The following CD8B2 variants were observed in gnomAD, a reference collection of about 807,000 sequenced individuals.
CD8B2 encodes CD8B family member 2.
Under a neutral mutation model 23.7 loss-of-function variants are expected in CD8B2, and 11 were observed. The ratio of observed to expected loss-of-function variants is 0.46; its 90% CI spans 0.29 to 0.77. The LOEUF (loss-of-function observed/expected upper bound fraction) is 0.77, where lower values mean the gene tolerates loss of function less well. CD8B2 is among the 30% of genes least tolerant of loss of function. The probability of loss-of-function intolerance (pLI) is 0.09; values close to 1 mark genes in which losing one functional copy is unlikely to be tolerated. For synonymous variants in CD8B2, 90 were observed against 109.3 expected (o/e 0.82, Z 1.10); for missense variants, 197 against 270.5 (o/e 0.73, Z 1.91).
chr2:106,522,479 A>G (rs1558884051), intron 5 of CD8B2, among the ~76,000 whole-genome samples: 1 of 152,192 alleles, frequency 6.6e-6, no homozygotes, highest in Non-Finnish European at 1.5e-5. Context: ...TGCTCTTGTG[A>G]GTTAAAAGTC....
downstream of CD8B2, among the ~76,000 whole-genome samples, chr2:106,511,938 C>G (rs73952241): frequency 0.028 from 4,248 of 152,324 alleles, 71 homozygotes; most frequent in Non-Finnish European, 0.03. Context: ...GAAAAAGACA[C>G]TTACATCCTC....
chr2:106,501,309 A>G (rs932403103), intron 3 of CD8B2, among the ~76,000 whole-genome samples: 15 of 151,910 alleles, frequency 9.9e-5, no homozygotes, highest in African/African-American at 3.6e-4. Flanking sequence ...TAAGTGAAGG[A>G]AAAAAGGTGC....
chr2:106,521,663 A>T (rs1004162305), intron 5 of CD8B2: 1 of 152,212 alleles, frequency 6.6e-6, no homozygotes, highest in African/African-American at 2.4e-5. Flanking sequence ...TCTAGGAAAG[A>T]GGTGGTTTCC....
downstream of CD8B2, among the ~76,000 whole-genome samples, chr2:106,511,274 A>G (rs962806629): frequency 6.6e-6 from 1 of 152,152 alleles, no homozygotes; most frequent in Non-Finnish European, 1.5e-5. Flanking sequence ...AATTGCATTT[A>G]CTTGTCTGGA....
chr2:106,500,087 C>A (rs62153997), intron 3 of CD8B2, among the ~76,000 whole-genome samples: 23,537 of 25,060 alleles, frequency 0.94, 11,455 homozygotes, highest in East Asian at 1. Flanking sequence ...CTGAGGTGGG[C>A]CCCACAGGGG....
chr2:106,537,856 G>C (rs1680113289), intron 5 of CD8B2: 1 of 152,178 alleles, frequency 6.6e-6, no homozygotes, highest in Non-Finnish European at 1.5e-5. Context: ...TTCAGAATCA[G>C]CCGTGGGACA....
Position 106,507,611 on chromosome 2 carries a change from G to T in CD8B2, c.*671G>T. 1 of 962,446 alleles carries T rather than the reference G, an allele frequency of 1.0e-6. No individual in the cohort carries two copies. Among genetic ancestry groups the T allele is most frequent in the African/African-American group, 1.8e-5 (1 of 56,818 alleles). 59.6% of individuals were successfully genotyped at this position (962,446 alleles called of 1,614,324 possible). A position where few individuals can be genotyped will look rare whatever the true frequency, so the allele number is the denominator to read the frequency against. On this transcript the variant is annotated 3_prime_UTR_variant, in exon 6 of 6. Coordinates refer to ENST00000643224, the MANE Select transcript of CD8B2 (RefSeq NM_001349727.2). ...TTAATGCTTCTTTCATTTTCTGTTT[G>T]TTTTATACAAATGTCTTAGTTGTAC... is the stretch of plus-strand genomic sequence containing the variant.
At chr2:106,515,938 T>C (rs1013690652), downstream of CD8B2, among the ~76,000 whole-genome samples, 1 of 152,068 alleles carries the variant, frequency 6.6e-6, no homozygotes, top group African/African-American at 2.4e-5. Context: ...TTCTCCTGCC[T>C]CAGCCTCCCG....
At chr2:106,535,421 A>G (rs181795253) in intron 5 of CD8B2, 5 of 131,478 alleles carry the variant, frequency 3.8e-5, no homozygotes, top group African/African-American at 1.7e-4. Context: ...CTAAACAGAA[A>G]TAGTCTACTA....
intron 5 of CD8B2, among the ~76,000 whole-genome samples, chr2:106,518,602 A>G (rs1679772649): frequency 6.6e-6 from 1 of 152,228 alleles, no homozygotes; most frequent in Non-Finnish European, 1.5e-5. Flanking sequence ...AGAAAAAATG[A>G]GAAGTTAAAA....
intron 3 of CD8B2, among the ~76,000 whole-genome samples, chr2:106,500,591 C>G (rs1366078417): frequency 6.6e-6 from 1 of 151,746 alleles, no homozygotes; most frequent in Non-Finnish European, 1.5e-5. Context: ...CTTTCTTCCT[C>G]ACAAGATGGG....
intron 3 of CD8B2, among the ~76,000 whole-genome samples, chr2:106,500,018 C>A (rs1394389458): frequency 4.1e-5 from 5 of 121,316 alleles, no homozygotes; most frequent in Non-Finnish European, 8.4e-5. Flanking sequence ...TGACAGTGGG[C>A]TGCCACCCAT....
intron 5 of CD8B2, among the ~76,000 whole-genome samples, chr2:106,526,617 C>G (rs982416367): frequency 1.3e-5 from 2 of 152,188 alleles, no homozygotes; most frequent in African/African-American, 4.8e-5. Flanking sequence ...TTATTGTCAA[C>G]TAGTATACCA....
intron 5 of CD8B2, among the ~76,000 whole-genome samples, chr2:106,539,573 A>G (rs1680141813): frequency 6.6e-6 from 1 of 152,218 alleles, no homozygotes; most frequent in Admixed American, 6.5e-5. Context: ...GCTTCTGGGC[A>G]TCATTGCTCT....
In CD8B2 at chr2:106,502,521, C is replaced by T. The variant is rs1679430462; in HGVS notation, c.541C>T (p.Leu181=). The change falls in exon 4 of 6, where the codon CTG becomes TTG. Residue 181 remains leucine (L), a synonymous_variant. Transcript: ENST00000643224. ...VTLGLLVAGV[L]VLLVSLGVAM... ...CCTTGGCCTGCTGGTGGCTGGCGTCCTGGTTCTGCTGGTTTCCCTGGGAGT... is the reference window on the plus strand; with the variant it reads ...CCTTGGCCTGCTGGTGGCTGGCGTCTTGGTTCTGCTGGTTTCCCTGGGAGT... 31 of 1,583,614 alleles carry T rather than the reference C, an allele frequency of 2.0e-5. No individual in the cohort carries two copies. In the South Asian group the frequency reaches 3.6e-4, roughly 18 times the overall value.
downstream of CD8B2, among the ~76,000 whole-genome samples, chr2:106,513,422 C>A (rs1472536590): frequency 6.6e-6 from 1 of 152,024 alleles, no homozygotes; most frequent in South Asian, 2.1e-4. Flanking sequence ...GAGAAAGACC[C>A]GGGTGATGCC....
chr2:106,518,618 T>C (rs867389211), intron 5 of CD8B2, among the ~76,000 whole-genome samples: 5 of 152,308 alleles, frequency 3.3e-5, no homozygotes, highest in Middle Eastern at 6.8e-3. Flanking sequence ...TAAAATTAAT[T>C]AATTCATCTC....
chr2:106,517,672 A>C (rs1278209643), intron 5 of CD8B2, among the ~76,000 whole-genome samples: 1 of 151,874 alleles, frequency 6.6e-6, no homozygotes, highest in Non-Finnish European at 1.5e-5. Flanking sequence ...ATAGTTTTTA[A>C]TAACAGCACG....
chr2:106,529,667 G>T (rs1283656568), intron 5 of CD8B2, among the ~76,000 whole-genome samples: 6 of 152,172 alleles, frequency 3.9e-5, no homozygotes, highest in Non-Finnish European at 7.3e-5. Context: ...ATGGCCTTCT[G>T]GCTGACACTG....
Sources: gnomAD v4.1 joint callset for allele counts (sites outside exome capture counted in the v4.1 genomes callset) on GRCh38, gnomAD v4.1.1 for gene constraint, MANE v1.5 for transcripts, NCBI Gene and HGNC (gene_info 2026-07-23, HGNC 2026-07-21) for gene names.